The following KLF8 variants were observed in gnomAD, a reference collection of about 807,000 sequenced individuals.
KLF8 encodes the protein Krueppel-like factor 8.
A neutral mutation model predicts 18.2 loss-of-function variants in KLF8; 10 were observed. The observed-to-expected ratio is 0.55, with a 90% CI of 0.34 to 0.93. The LOEUF (loss-of-function observed/expected upper bound fraction) is 0.93. Ranked by LOEUF, KLF8 falls within the 40% of genes least tolerant of loss-of-function variation. The pLI is 0.02. For synonymous variants in KLF8, 109 were observed against 97.3 expected (o/e 1.12, Z -0.71); for missense variants, 264 against 277.9 (o/e 0.95, Z 0.36).
the KLF8 span, among the ~76,000 whole-genome samples, chrX:56,111,594 A>G: frequency 1.8e-5 from 2 of 112,376 alleles, no homozygotes; most frequent in Non-Finnish European, 3.8e-5. Flanking sequence ...ACAAAGGGCA[A>G]ATATCCAGAA....
chrX:56,170,089 G>A, the KLF8 span, among the ~76,000 whole-genome samples: 1 of 111,073 alleles, frequency 9.0e-6, no homozygotes, highest in East Asian at 2.8e-4. Context: ...AAAACATCAA[G>A]ATGGTACATC....
the KLF8 span, among the ~76,000 whole-genome samples, chrX:56,195,477 G>A: frequency 1.8e-5 from 2 of 111,422 alleles, no homozygotes; most frequent in African/African-American, 6.5e-5. Flanking sequence ...TGGAAGAAAG[G>A]GTATCAGTGA....
the KLF8 span, among the ~76,000 whole-genome samples, chrX:56,000,483 G>C: frequency 3.6e-5 from 3 of 82,538 alleles, no homozygotes; most frequent in South Asian, 3.0e-3. Context: ...CTTGGGGGGG[G>C]GGGGAGGGAT....
chrX:56,034,787 G>A, the KLF8 span, among the ~76,000 whole-genome samples: 3 of 73,489 alleles, frequency 4.1e-5, no homozygotes, highest in Admixed American at 2.2e-4. Context: ...ATGGAGTCTC[G>A]CTCTGTGGCC....
At chrX:56,049,872 A>T in the KLF8 span, among the ~76,000 whole-genome samples, 3 of 107,817 alleles carry the variant, frequency 2.8e-5, no homozygotes, top group Non-Finnish European at 5.8e-5. Context: ...CTCTGGTAGA[A>T]TTCGGCTGTG....
At chrX:55,927,618 T>C in the KLF8 span, among the ~76,000 whole-genome samples, 1 of 112,405 alleles carries the variant, frequency 8.9e-6, no homozygotes. Context: ...CTAGGGATTA[T>C]AAAATGGTAA....
At chrX:56,212,659 C>G in the KLF8 span, among the ~76,000 whole-genome samples, 1 of 112,302 alleles carries the variant, frequency 8.9e-6, no homozygotes, top group African/African-American at 3.2e-5. Flanking sequence ...GAGGCCACCA[C>G]TGCTGTGTAT....
At chrX:56,268,818 A>C (rs1043754941) in intron 3 of KLF8, 5 of 817,833 alleles carry the variant, frequency 6.1e-6, no homozygotes, top group Non-Finnish European at 7.4e-6. Context: ...GGAATATTTG[A>C]CAGCTTCTCC....
chrX:56,184,435 C>T, the KLF8 span, among the ~76,000 whole-genome samples: 4 of 112,749 alleles, frequency 3.5e-5, no homozygotes, highest in Non-Finnish European at 7.5e-5. Flanking sequence ...GGCTCCACCT[C>T]TGGGGGCAAG....
chrX:55,987,066 G>C, the KLF8 span, among the ~76,000 whole-genome samples: 6 of 111,110 alleles, frequency 5.4e-5, no homozygotes, highest in Non-Finnish European at 9.4e-5. Flanking sequence ...ATTGTGAAGA[G>C]TGCTACGATG....
the KLF8 span, among the ~76,000 whole-genome samples, chrX:56,078,125 C>A: frequency 1.8e-5 from 2 of 111,618 alleles, no homozygotes; most frequent in Admixed American, 1.9e-4. Context: ...TAATGGAATT[C>A]CCTTTATTTC....
At chrX:55,945,781 T>C in the KLF8 span, among the ~76,000 whole-genome samples, 320 of 110,034 alleles carry the variant, frequency 2.9e-3, 2 homozygotes, top group African/African-American at 0.01. Context: ...GATAAACAAC[T>C]TCAGCAAAGT....
At chrX:56,037,896 G>T in the KLF8 span, among the ~76,000 whole-genome samples, 1 of 111,627 alleles carries the variant, frequency 9.0e-6, no homozygotes, top group Non-Finnish European at 1.9e-5. Flanking sequence ...CTGTTTTGCT[G>T]TCAAATAGTA....
the KLF8 span, among the ~76,000 whole-genome samples, chrX:56,167,405 C>T: frequency 2.7e-5 from 3 of 112,197 alleles, no homozygotes; most frequent in East Asian, 2.8e-4. Flanking sequence ...GCTGGGATTA[C>T]GGTGCAAGCC....
the KLF8 span, among the ~76,000 whole-genome samples, chrX:55,991,569 A>G: frequency 9.0e-6 from 1 of 111,529 alleles, no homozygotes; most frequent in Non-Finnish European, 1.9e-5. Flanking sequence ...TTGGAAATGC[A>G]GAAATCACCC....
At chrX:56,196,714 G>A in the KLF8 span, among the ~76,000 whole-genome samples, 15 of 111,146 alleles carry the variant, frequency 1.3e-4, no homozygotes, top group South Asian at 1.5e-3. Context: ...CAAGGATATC[G>A]AAGACTTGAA....
At chrX:56,197,467 C>A in the KLF8 span, among the ~76,000 whole-genome samples, 1 of 111,957 alleles carries the variant, frequency 8.9e-6, no homozygotes, top group Admixed American at 9.5e-5. Flanking sequence ...CACCTCCACA[C>A]AAATAAACTA....
At chrX:56,199,667 G>T in the KLF8 span, among the ~76,000 whole-genome samples, 2 of 111,879 alleles carry the variant, frequency 1.8e-5, no homozygotes, top group Non-Finnish European at 3.8e-5. Flanking sequence ...GTCTAAGAGA[G>T]TGTGGCGATT....
At chrX:56,109,039 G>A in the KLF8 span, among the ~76,000 whole-genome samples, 8 of 110,949 alleles carry the variant, frequency 7.2e-5, no homozygotes, top group East Asian at 8.4e-4. Context: ...TTTCATTGTC[G>A]CCAGAGATAA....
Sources: gnomAD v4.1 joint callset for allele counts (sites outside exome capture counted in the v4.1 genomes callset) on GRCh38, gnomAD v4.1.1 for gene constraint, MANE v1.5 for transcripts, NCBI Gene and HGNC (gene_info 2026-07-23, HGNC 2026-07-21) for gene names.